The following LETMD1 variants were observed in gnomAD, a reference collection of about 807,000 sequenced individuals.
LETMD1 encodes LETM1 domain-containing protein 1.
A neutral mutation model predicts 43.9 loss-of-function variants in LETMD1; 30 were observed. The ratio of observed to expected loss-of-function variants is 0.68; its 90% CI spans 0.51 to 0.93. The LOEUF (loss-of-function observed/expected upper bound fraction) is 0.93. Ranked by LOEUF, LETMD1 falls within the 40% of genes least tolerant of loss-of-function variation. The pLI, the probability that LETMD1 is intolerant of heterozygous loss-of-function variation, is 0.00. For missense variants in LETMD1, 413 were observed against 447.7 expected, an observed-to-expected ratio of 0.92 and a Z score of 0.70; for synonymous variants, 176 against 163.1, an observed-to-expected ratio of 1.08 and a Z score of -0.60.
the LETMD1 span, chr12:51,067,870 C>T: frequency 1.9e-6 from 3 of 1,614,236 alleles, no homozygotes; most frequent in Non-Finnish European, 2.5e-6. The surrounding 1 kb of genome is among the most constrained non-coding windows in gnomAD (Gnocchi z 4.1). Context: ...AAGAAGTAAT[C>T]ATCCACCTCC....
In LETMD1 at chr12:51,053,781, C is replaced by T. The variant is rs774073264; in HGVS notation, c.394C>T (p.Arg132Cys). The T allele has an allele frequency of 1.6e-5, 25 of 1,608,902 alleles. No individual in the cohort carries two copies. The highest frequency in any genetic ancestry group is 2.7e-5 in the African/African-American group (2 of 74,798). Reference protein sequence around the residue: ...YREMEHLRQFRQDVTKCLFLG... With the variant: ...YREMEHLRQFCQDVTKCLFLG... The stretch of plus-strand genomic sequence containing the variant: ...ATCTGTGTTTATTTCTGCTTAGTTC[C>T]GCCAAGACGTCACCAAGTGTCTTTT... Residue 132 changes from arginine to cysteine, a missense_variant, in exon 4 of 9, where the codon CGC becomes TGC. By Grantham distance (180) the Arg-to-Cys change is radical. Transcript: ENST00000262055.
intron 3 of LETMD1, among the ~76,000 whole-genome samples, chr12:51,053,140 A>G (rs1946652748): frequency 6.6e-6 from 1 of 152,006 alleles, no homozygotes; most frequent in Admixed American, 6.6e-5. Context: ...CAAGGATCCA[A>G]AGGGCAGCAT....
chr12:51,067,601 G>C, the LETMD1 span: 43 of 1,471,706 alleles, frequency 2.9e-5, no homozygotes, highest in South Asian at 5.4e-4. This position sits in a 1 kb window ranked among gnomAD's most constrained non-coding sequence, Gnocchi z 4.1. Context: ...GGCCTCCCAT[G>C]TTCAGTGGCA....
intron 3 of LETMD1, among the ~76,000 whole-genome samples, chr12:51,053,382 C>T (rs980418718): frequency 2.0e-5 from 3 of 152,188 alleles, no homozygotes; most frequent in African/African-American, 7.2e-5. Flanking sequence ...AGTGCTCATG[C>T]CTGTAATCCT....
chr12:51,049,193 C>A lies in LETMD1; in HGVS notation c.274+8C>A, dbSNP rs1208309283. The A allele has an allele frequency of 2.5e-6, 4 of 1,605,672 alleles. No homozygotes were observed. The highest frequency in any genetic ancestry group is 2.6e-6 in the Non-Finnish European group (3 of 1,175,302). On this transcript the variant is annotated splice_region_variant and intron_variant, in intron 2 of 8. Transcript: ENST00000262055. Reference sequence around the variant, plus strand: ...ACACAATCTTCATGAAAGGTAAAAACGAAACTACAATAGAAATTCCGGAAT... The same window carrying A: ...ACACAATCTTCATGAAAGGTAAAAAAGAAACTACAATAGAAATTCCGGAAT...
Position 51,059,830 on chromosome 12 carries a change from TTTG to T in LETMD1, c.*406_*408del. On this transcript the variant is annotated 3_prime_UTR_variant, in exon 9 of 9. Coordinates refer to ENST00000262055, the MANE Select transcript of LETMD1 (RefSeq NM_015416.5). The stretch of plus-strand genomic sequence containing the variant: ...TCCATGTTACTTACATCTGTGGGTT[TTTG>T]TTGTTGCTGTTAGAAAATTTGTGGC... The T allele has an allele frequency of 5.8e-6, 1 of 172,180 alleles. No individual in the cohort carries two copies. The highest frequency in any genetic ancestry group is 2.4e-5 in the African/African-American group (1 of 42,490). The allele number at this position is 172,180 out of a possible 1,614,324, so 10.7% of individuals were successfully genotyped here. A position where few individuals can be genotyped will look rare whatever the true frequency, so the allele number is the denominator to read the frequency against.
chr12:51,068,026 G>T, the LETMD1 span: 1 of 1,527,202 alleles, frequency 6.5e-7, no homozygotes, highest in Non-Finnish European at 9.0e-7. Context: ...CACCTCCTCA[G>T]TGACCATCCC....
rs1945077912 is a variant in LETMD1, at chr12:51,048,759, CCT to C, written c.123-272_123-271del. On this transcript the variant is annotated intron_variant, in intron 1 of 8. Transcript: ENST00000262055. ...TTTTACCGCTGCTATCTCGATTCCA[CCT>C]CTTTCTGACTTAGCCTGCAGTTCAA... 6.8e-6 allele frequency: 4 copies of C among 590,876 alleles called. No individual in the cohort carries two copies. The Admixed American group carries it at 1.2e-4, about 18-fold the overall frequency. The allele number at this position is 590,876 out of a possible 1,614,324, so 36.6% of individuals were successfully genotyped here. A position where few individuals can be genotyped will look rare whatever the true frequency, so the allele number is the denominator to read the frequency against.
the LETMD1 span, among the ~76,000 whole-genome samples, chr12:51,068,582 C>G: frequency 6.6e-6 from 1 of 152,102 alleles, no homozygotes; most frequent in South Asian, 2.1e-4. Context: ...TCTCAAAAAC[C>G]CGTCTCATCT....
rs1405304842 is a variant in LETMD1, at chr12:51,059,676, A to G, written c.*245A>G. The G allele has an allele frequency of 7.9e-6, 4 of 503,982 alleles. No individual in the cohort carries two copies. The highest frequency in any genetic ancestry group is 1.5e-5 in the Non-Finnish European group (4 of 274,464). 31.2% of individuals were successfully genotyped at this position (503,982 alleles called of 1,614,324 possible). A position where few individuals can be genotyped will look rare whatever the true frequency, so the allele number is the denominator to read the frequency against. The stretch of plus-strand genomic sequence containing the variant: ...TGTGAGGTGTCATCCTGTCCCCCTC[A>G]TAATTACTAATAGCTGGAACTGGCA... On this transcript the variant is annotated 3_prime_UTR_variant, in exon 9 of 9. Transcript: ENST00000262055.
chr12:51,053,305 C>G (rs1946694878), intron 3 of LETMD1, among the ~76,000 whole-genome samples: 1 of 152,122 alleles, frequency 6.6e-6, no homozygotes, highest in Non-Finnish European at 1.5e-5. Context: ...GTAAATAAGT[C>G]AGAGGTTTTG....
intron 7 of LETMD1, 147 bp from the exon 8 acceptor site, chr12:51,057,885 A>T (rs958188106): frequency 2.8e-6 from 2 of 706,574 alleles, no homozygotes; most frequent in Non-Finnish European, 5.1e-6. Flanking sequence ...TCGGCCTCCC[A>T]AAGTGCTGGG....
intron 3 of LETMD1, 122 bp downstream of exon 3, chr12:51,052,329 G>A (rs536236046): frequency 2.5e-6 from 3 of 1,180,082 alleles, no homozygotes; most frequent in East Asian, 5.2e-5. Context: ...TTTGCCGTGA[G>A]AACAAAATAT....
chr12:51,058,134 ACACATTTCTGTGGTTATAC>A lies in LETMD1; in HGVS notation c.1012+10_1012+28del. 1.3e-6 allele frequency: 2 copies of A among 1,573,518 alleles called. No individual in the cohort carries two copies. Among genetic ancestry groups the A allele is most frequent in the Non-Finnish European group, 1.7e-6 (2 of 1,142,940 alleles). On this transcript the variant is annotated splice_region_variant and intron_variant, in intron 8 of 8. Transcript: ENST00000262055. ...GATTTCCTGCAGCCTGAAAGGTAAAACACATTTCTGTGGTTATACCACTAAAATCCAAGTCACTTTTGTA... is the reference window on the plus strand; with the variant it reads ...GATTTCCTGCAGCCTGAAAGGTAAAACACTAAAATCCAAGTCACTTTTGTA...
the LETMD1 span, among the ~76,000 whole-genome samples, chr12:51,066,571 G>A: frequency 3.3e-5 from 5 of 151,724 alleles, no homozygotes; most frequent in Non-Finnish European, 7.4e-5. Flanking sequence ...AACCCAGGAG[G>A]TGGAGGTAGC....
At chr12:51,064,404 A>C, downstream of LETMD1, 4 of 1,613,966 alleles carry the variant, frequency 2.5e-6, no homozygotes, top group Non-Finnish European at 2.5e-6. Flanking sequence ...CTGCAGGTGC[A>C]TCACTGCTGT....
Position 51,060,165 on chromosome 12 carries a change from ACT to A in LETMD1, c.*737_*738del, listed in dbSNP as rs1052773947. On this transcript the variant is annotated 3_prime_UTR_variant, in exon 9 of 9. Transcript: ENST00000262055. ...TATTACAGCCCTCTGTGGATCTTCAACTCTGCTGCCTCCACTGTGATGCAGCA... is the reference window on the plus strand; with the variant it reads ...TATTACAGCCCTCTGTGGATCTTCAACTGCTGCCTCCACTGTGATGCAGCA... The A allele has an allele frequency of 2.0e-5, 3 of 152,696 alleles. No individual in the cohort carries two copies. The East Asian group carries it at 5.8e-4, about 29-fold the overall frequency. 9.5% of individuals were successfully genotyped at this position (152,696 alleles called of 1,614,324 possible).
chr12:51,048,856 G>A (rs547778197), intron 1 of LETMD1, 178 bp from the exon 2 acceptor site: 3 of 646,686 alleles, frequency 4.6e-6, no homozygotes, highest in Admixed American at 6.0e-5. Flanking sequence ...GCCTTTGCCT[G>A]ATTTGTGTTT....
At position 51,055,976 on chromosome 12, in the gene LETMD1, T is replaced by A. The variant is rs1432586958; in HGVS notation, c.615T>A (p.Ile205=). Residue 205 remains isoleucine (I), a synonymous_variant, in exon 5 of 9, where the codon ATT becomes ATA. Transcript: ENST00000262055. ...ISYLEKVIPL[I]SDAGLRWRLT... is the part of the protein sequence containing the mutation. ...ATTTAGAAAAGGTCATCCCTCTCATTTCTGATGCAGGACTCCGGTGGCGTC... is the reference window on the plus strand; with the variant it reads ...ATTTAGAAAAGGTCATCCCTCTCATATCTGATGCAGGACTCCGGTGGCGTC... The A allele has an allele frequency of 6.2e-7, 1 of 1,614,166 alleles. No individual in the cohort carries two copies. Among genetic ancestry groups the A allele is most frequent in the East Asian group, 2.2e-5 (1 of 44,886 alleles).
Sources: allele counts gnomAD v4.1 joint callset (sites outside exome capture counted in the v4.1 genomes callset), GRCh38; gene constraint gnomAD v4.1.1; non-coding constraint Gnocchi (gnomAD v3.1); transcripts MANE v1.5; gene names NCBI Gene and HGNC (gene_info 2026-07-23, HGNC 2026-07-21).